CEACAM20: variants seen among roughly 807,000 people sequenced by gnomAD.
CEACAM20 encodes CEA cell adhesion molecule 20.
A neutral mutation model predicts 61.2 loss-of-function variants in CEACAM20; 50 were observed. That is an observed-to-expected ratio of 0.82 (90% CI 0.65 to 1.03). The LOEUF (loss-of-function observed/expected upper bound fraction) is 1.03, where lower values mean the gene tolerates loss of function less well. Among genes scored for constraint, CEACAM20 ranks in the 50% least tolerant of loss-of-function variants. CEACAM20 has a pLI of 0.00. For missense variants in CEACAM20, 683 were observed against 736.4 expected (o/e 0.93, Z 0.84); for synonymous variants, 282 against 287.7 (o/e 0.98, Z 0.20).
chr19:44,521,594 AT>A (rs1186276653), intron 4 of CEACAM20, among the ~76,000 whole-genome samples: 1 of 151,220 alleles, frequency 6.6e-6, no homozygotes, highest in African/African-American at 2.4e-5. Context: ...GTATATGTGT[AT>A]GTGCTGTGGG....
chr19:44,513,151 C>T (rs779016364), intron 7 of CEACAM20, 21 bp downstream of exon 7: 1 of 1,578,624 alleles, frequency 6.3e-7, no homozygotes, highest in Admixed American at 1.7e-5. Flanking sequence ...CCCCATCCCC[C>T]TCCCTGTATC....
rs759815289 is a variant in CEACAM20 at position 44,520,690 on chromosome 19, C to CA, written c.813dup (p.Val272CysfsTer27). 5.4e-5 allele frequency: 87 copies of CA among 1,613,898 alleles called. 1 individual carries two copies. The South Asian group carries it at 9.0e-4, about 17-fold the overall frequency. ...TTGACGGTTTGGCAGGTCAGGTCCA[C>CA]AGACCTAGCATTCTCCACAAGGTTC... On this transcript the variant is annotated frameshift_variant, in exon 5 of 12. Coordinates refer to ENST00000614924, the MANE Select transcript of CEACAM20 (RefSeq NM_001102597.3). LOFTEE classifies it high-confidence loss of function.
At chr19:44,510,552 GAAAGAAA>G (rs2123553916) in intron 11 of CEACAM20, among the ~76,000 whole-genome samples, 2 of 21,564 alleles carry the variant, frequency 9.3e-5, no homozygotes, top group South Asian at 2.7e-3. Flanking sequence ...AGGAAGGAAA[GAAAGAAA>G]GAAAGAAAGA....
At position 44,528,255 on chromosome 19, in the gene CEACAM20, G is replaced by A. The variant is rs559307232; in HGVS notation, c.52+1203C>T. On this transcript the variant is annotated intron_variant, in intron 1 of 11. Transcript: ENST00000614924. ...TCTTCTTTTTCTTTTTTTTGACAGA[G>A]TCTTACTCTGTCACACAGGCTGGAG... Among the ~76,000 whole-genome samples the A allele has an allele frequency of 3.3e-4, 46 of 139,960 alleles. 1 individual carries two copies. In the South Asian group the frequency reaches 9.8e-3, roughly 30 times the overall value. The allele number at this position is 139,960 out of a possible 152,430, so 91.8% of individuals were successfully genotyped here.
rs1244108323 is a variant in CEACAM20 at position 44,510,560 on chromosome 19, G to A, written c.1737+470C>T. ...GGAAGGAAGGAAGGAAAGAAAGAAA[G>A]AAAGAAAGAAAGAAAGAAAGAAAGA... On this transcript the variant is annotated intron_variant, in intron 11 of 11. Coordinates refer to ENST00000614924, the MANE Select transcript of CEACAM20 (RefSeq NM_001102597.3). Among the ~76,000 whole-genome samples, 72 of 33,566 alleles carry A rather than the reference G, an allele frequency of 2.1e-3. 3 individuals are homozygous for A. Among genetic ancestry groups the A allele is most frequent in the Middle Eastern group, 0.048 (2 of 42 alleles). 22.0% of individuals were successfully genotyped at this position (33,566 alleles called of 152,430 possible).
In CEACAM20 at chr19:44,525,198, G is replaced by A. The variant is rs374178407; in HGVS notation, c.99C>T (p.Thr33=). The change falls in exon 2 of 12, where the codon ACC becomes ACT. Residue 33 remains threonine (T), a synonymous_variant. Coordinates refer to ENST00000614924, the MANE Select transcript of CEACAM20 (RefSeq NM_001102597.3). ...VWSPPAAAQL[T]LNANPLDATQ... ...TGGCATCAAGTGGGTTGGCATTGAG[G>A]GTGAGCTGGGCTGCAGCTGGAGGAC... 1.2e-6 allele frequency: 2 copies of A among 1,609,588 alleles called. No individual in the cohort carries two copies. Among genetic ancestry groups the A allele is most frequent in the Non-Finnish European group, 1.7e-6 (2 of 1,178,156 alleles).
At chr19:44,507,357 TA>T (rs1159550445) in intron 11 of CEACAM20, among the ~76,000 whole-genome samples, 1 of 152,212 alleles carries the variant, frequency 6.6e-6, no homozygotes, top group African/African-American at 2.4e-5. Context: ...CTGACAAAAC[TA>T]AACATGATCC....
intron 6 of CEACAM20, among the ~76,000 whole-genome samples, chr19:44,515,490 C>T (rs1971129643): frequency 6.6e-6 from 1 of 152,074 alleles, no homozygotes; most frequent in South Asian, 2.1e-4. Context: ...CTTGAGGAGG[C>T]CAGCCTGGTT....
intron 6 of CEACAM20, 41 bp from the exon 7 acceptor site, chr19:44,513,330 C>T: frequency 7.3e-7 from 1 of 1,360,816 alleles, no homozygotes; most frequent in Non-Finnish European, 1.0e-6. Context: ...CTTGACACAC[C>T]CTCATCCCTG....
At chr19:44,510,610 A>AAG (rs1446342735) in intron 11 of CEACAM20, among the ~76,000 whole-genome samples, 1,723 of 58,234 alleles carry the variant, frequency 0.03, 41 homozygotes, top group Middle Eastern at 0.067. Flanking sequence ...GAAAGAAAGA[A>AAG]AAAGGAAGGA....
chr19:44,512,900 G>A lies in CEACAM20; in HGVS notation c.1481C>T (p.Pro494Leu), dbSNP rs778160697. ...GGGCTCTGTGGGGTGCTCCTCCTTC[G>A]GGATGGGTTGTGAGGTCTCATGACT... ...DPSHETSQPI[P>L]KEEHPTEPSS... The change falls in exon 8 of 12, where the codon CCG becomes CTG. Residue 494 changes from proline (P) to leucine (L), a missense_variant. Physicochemically the swap from Pro to Leu is moderately conservative, Grantham distance 98. Transcript: ENST00000614924. 4.3e-5 allele frequency: 70 copies of A among 1,613,616 alleles called. No individual in the cohort carries two copies. In the East Asian group the frequency reaches 5.6e-4, roughly 13 times the overall value.
At chr19:44,506,789 G>A (rs1182145437) in intron 11 of CEACAM20, among the ~76,000 whole-genome samples, 1 of 152,144 alleles carries the variant, frequency 6.6e-6, no homozygotes, top group Non-Finnish European at 1.5e-5. Context: ...ATGAGACCTG[G>A]GCTTTGACTG....
intron 6 of CEACAM20, 101 bp downstream of exon 6, chr19:44,516,845 C>T (rs922821717): frequency 1.7e-5 from 23 of 1,323,086 alleles, no homozygotes; most frequent in Non-Finnish European, 1.8e-5. Flanking sequence ...AGTGTGGAGA[C>T]TGCCACACTC....
intron 5 of CEACAM20, among the ~76,000 whole-genome samples, chr19:44,519,112 C>G (rs2123602197): frequency 6.6e-6 from 1 of 152,320 alleles, no homozygotes; most frequent in Non-Finnish European, 1.5e-5. Context: ...CTCTAAGCAG[C>G]CTACTCCTAC....
intron 8 of CEACAM20, 47 bp downstream of exon 8, chr19:44,512,821 C>A: frequency 6.6e-7 from 1 of 1,526,128 alleles, no homozygotes; most frequent in Non-Finnish European, 9.0e-7. Context: ...GCCTCTTCCC[C>A]AGCCCTCACC....
rs995522284 is a variant in CEACAM20 at position 44,511,546 on chromosome 19, C to T, written c.1611+91G>A. On this transcript the variant is annotated intron_variant, in intron 10 of 11. Transcript: ENST00000614924. ...TGTGATGTGCCATGAAATGTTTAGACAAGATGATCTCTCAGGCTTATCACA... is the reference window on the plus strand; with the variant it reads ...TGTGATGTGCCATGAAATGTTTAGATAAGATGATCTCTCAGGCTTATCACA... 48 of 1,289,842 alleles carry T rather than the reference C, an allele frequency of 3.7e-5. No homozygotes were observed. The African/African-American group carries it at 5.4e-4, about 15-fold the overall frequency. 79.9% of individuals were successfully genotyped at this position (1,289,842 alleles called of 1,614,324 possible). A position where few individuals can be genotyped will look rare whatever the true frequency, so the allele number is the denominator to read the frequency against.
Position 44,506,208 on chromosome 19 carries a change from C to T in CEACAM20, c.1744G>A (p.Val582Met). ...ATGTAAGTGTTGGGCTCTGGATTCA[C>T]AAGCTCCTGTTAAACAAAGAGAAAA... ...KNMESIYEEL[V>M]NPEPNTYIQI... is the part of the protein sequence containing the mutation. The change falls in exon 12 of 12, where the codon GTG (valine) becomes ATG (methionine). Residue 582 changes from valine to methionine, a missense_variant. By Grantham distance (21) the Val-to-Met change is conservative. Coordinates refer to ENST00000614924, the MANE Select transcript of CEACAM20 (RefSeq NM_001102597.3). The T allele has an allele frequency of 6.2e-7, 1 of 1,613,756 alleles. No individual in the cohort carries two copies. Among genetic ancestry groups the T allele is most frequent in the East Asian group, 2.2e-5 (1 of 44,876 alleles).
intron 3 of CEACAM20, 108 bp from the exon 4 acceptor site, chr19:44,523,020 A>C: frequency 2.1e-6 from 2 of 963,460 alleles, no homozygotes; most frequent in Non-Finnish European, 3.1e-6. Context: ...TCCCCACTCA[A>C]AGGCTAGATC....
At position 44,529,569 on chromosome 19, in the gene CEACAM20, G is replaced by C. The variant is rs1971652986; in HGVS notation, c.-60C>G. On this transcript the variant is annotated 5_prime_UTR_variant, in exon 1 of 12. It adds an upstream start codon to the 5' untranslated region. Coordinates refer to ENST00000614924, the MANE Select transcript of CEACAM20 (RefSeq NM_001102597.3). ...TCTGTCGCCCCGGCTTGCACACACA[G>C]ATACAGTCCTCACTCCAGGTGCAGC... 2.0e-6 allele frequency: 3 copies of C among 1,497,656 alleles called. No homozygotes were observed. The highest frequency in any genetic ancestry group is 3.4e-5 in the Admixed American group (2 of 59,178). 92.8% of individuals were successfully genotyped at this position (1,497,656 alleles called of 1,614,324 possible).
Sources: gnomAD v4.1 joint callset for allele counts (sites outside exome capture counted in the v4.1 genomes callset) on GRCh38, gnomAD v4.1.1 for gene constraint, MANE v1.5 for transcripts, NCBI Gene and HGNC (gene_info 2026-07-23, HGNC 2026-07-21) for gene names.